ST3GAL4: variants seen among roughly 807,000 people sequenced by gnomAD.
The protein encoded by ST3GAL4 is ST3 beta-galactoside alpha-2,3-sialyltransferase 4.
In ST3GAL4, 24 loss-of-function variants were observed where a neutral mutation model predicts 42.6. The ratio of observed to expected loss-of-function variants is 0.56; its 90% CI spans 0.41 to 0.79. The LOEUF (loss-of-function observed/expected upper bound fraction) is 0.79, where lower values mean the gene tolerates loss of function less well. Among genes scored for constraint, ST3GAL4 ranks in the 30% least tolerant of loss-of-function variants. The pLI is 0.00. For missense variants in ST3GAL4, 311 were observed against 430.8 expected, an observed-to-expected ratio of 0.72 and a Z score of 2.46; for synonymous variants, 135 against 163.2, an observed-to-expected ratio of 0.83 and a Z score of 1.32.
chr11:126,406,396 G>A lies in ST3GAL4; in HGVS notation c.17-77G>A, dbSNP rs553463181. 5.2e-5 allele frequency: 83 copies of A among 1,609,052 alleles called. No individual in the cohort carries two copies. In the South Asian group the frequency reaches 8.7e-4, roughly 17 times the overall value. On this transcript the variant is annotated intron_variant, in intron 2 of 10. Transcript: ENST00000444328. This position sits in a 1 kb window ranked among gnomAD's most constrained non-coding sequence, Gnocchi z 5.4. Reference sequence around the variant, plus strand: ...AGTTAGGGGTCGGAGGGACTCAGAAGGGGGCAGGTGGGAAGGTGGACGGGG... The same window carrying A: ...AGTTAGGGGTCGGAGGGACTCAGAAAGGGGCAGGTGGGAAGGTGGACGGGG...
rs558465724 is a variant in ST3GAL4, at chr11:126,397,752, T to C, written c.-60-8344T>C. On this transcript the variant is annotated intron_variant, in intron 1 of 10. Coordinates refer to ENST00000444328, the MANE Select transcript of ST3GAL4 (RefSeq NM_001254757.2). The surrounding 1 kb of genome is among the most constrained non-coding windows in gnomAD (Gnocchi z 5.0). ...GTGAGGGTCTTCTTGCTGCATTGTC[T>C]CATGGTGGATGGAAGAAGGGCAAGG... 1.1e-3 allele frequency among the ~76,000 whole-genome samples: 171 copies of C among 152,182 alleles called. No homozygotes were observed. Among genetic ancestry groups the C allele is most frequent in the African/African-American group, 4.0e-3 (166 of 41,536 alleles).
intron 1 of ST3GAL4, among the ~76,000 whole-genome samples, chr11:126,375,763 T>TG (rs1246304881): frequency 2.0e-5 from 3 of 152,224 alleles, no homozygotes; most frequent in Admixed American, 2.0e-4. Flanking sequence ...AGGCCAGAGA[T>TG]GCTGCTAAGC....
chr11:126,414,293 G>T lies in ST3GAL4; in HGVS notation c.*246G>T. The T allele has an allele frequency of 1.8e-6, 1 of 559,602 alleles. No individual in the cohort carries two copies. Among genetic ancestry groups the T allele is most frequent in the Admixed American group, 3.1e-5 (1 of 32,642 alleles). 34.7% of individuals were successfully genotyped at this position (559,602 alleles called of 1,614,324 possible). A position where few individuals can be genotyped will look rare whatever the true frequency, so the allele number is the denominator to read the frequency against. The stretch of plus-strand genomic sequence containing the variant: ...CGGCCAGGGCAGGGGGCTCGTTGCT[G>T]TGGCACCCCCTCTCTGCCAGCACCA... On this transcript the variant is annotated 3_prime_UTR_variant, in exon 11 of 11. Transcript: ENST00000444328.
In ST3GAL4 at chr11:126,384,123, T is replaced by C. The variant is rs10893502; in HGVS notation, c.-60-21973T>C. ...CTGGCTCCTAATGGGACTAATGGGA[T>C]TTCAGGTGTGGACCCTTGGACCCTC... is the stretch of plus-strand genomic sequence containing the variant. On this transcript the variant is annotated intron_variant, in intron 1 of 10. Coordinates refer to ENST00000444328, the MANE Select transcript of ST3GAL4 (RefSeq NM_001254757.2). This position sits in a 1 kb window ranked among gnomAD's most constrained non-coding sequence, Gnocchi z 5.5. 0.67 allele frequency among the ~76,000 whole-genome samples: 101,898 copies of C among 152,100 alleles called. 35,042 individuals are homozygous for C. The highest frequency in any genetic ancestry group is 0.95 in the East Asian group (4,898 of 5,166).
At position 126,408,207 on chromosome 11, in the gene ST3GAL4, G is replaced by A. The variant is rs762827204; in HGVS notation, c.437+13G>A. ...ATGTGGTCATCAGGTGTGTGTGACTGTCTCTTCCTACTGTTGTTTGGGAAC... is the reference window on the plus strand; with the variant it reads ...ATGTGGTCATCAGGTGTGTGTGACTATCTCTTCCTACTGTTGTTTGGGAAC... On this transcript the variant is annotated intron_variant, in intron 7 of 10. Transcript: ENST00000444328. The A allele has an allele frequency of 1.9e-6, 3 of 1,614,062 alleles. No homozygotes were observed. Among genetic ancestry groups the A allele is most frequent in the East Asian group, 2.2e-5 (1 of 44,872 alleles).
At chr11:126,413,785 TC>T in intron 10 of ST3GAL4, 137 bp downstream of exon 10, 1 of 1,436,076 alleles carries the variant, frequency 7.0e-7, no homozygotes, top group Non-Finnish European at 9.5e-7. Flanking sequence ...GCACCTGGAC[TC>T]CCTGGCCAGC....
chr11:126,366,705 C>T lies in ST3GAL4; in HGVS notation c.-61+10863C>T, dbSNP rs769305073. 6.6e-6 allele frequency among the ~76,000 whole-genome samples: 1 copy of T among 152,272 alleles called. No individual in the cohort carries two copies. ...TCAGCTGCACAGGTCTGGAAACATC[C>T]TTGTTCATCAAGCACCAGGCTGACC... On this transcript the variant is annotated intron_variant, in intron 1 of 10. Transcript: ENST00000444328. The surrounding 1 kb of genome is among the most constrained non-coding windows in gnomAD (Gnocchi z 4.2).
In ST3GAL4 at chr11:126,379,300, T is replaced by C. The variant is rs1952919190; in HGVS notation, c.-61+23458T>C. On this transcript the variant is annotated intron_variant, in intron 1 of 10. Coordinates refer to ENST00000444328, the MANE Select transcript of ST3GAL4 (RefSeq NM_001254757.2). This position sits in a 1 kb window ranked among gnomAD's most constrained non-coding sequence, Gnocchi z 4.2. ...ATTCAGTGTGGATAATGAAATTCCC[T>C]AACGAAAATAAAAGTGTGAACCTTT... Among the ~76,000 whole-genome samples the C allele has an allele frequency of 6.6e-6, 1 of 152,170 alleles. No individual in the cohort carries two copies. Among genetic ancestry groups the C allele is most frequent in the South Asian group, 2.1e-4 (1 of 4,834 alleles).
At chr11:126,368,897 A>G (rs1952530465) in intron 1 of ST3GAL4, among the ~76,000 whole-genome samples, 1 of 152,130 alleles carries the variant, frequency 6.6e-6, no homozygotes, top group South Asian at 2.1e-4. Context: ...ACTTTCCTGT[A>G]AATTAGGAAC....
chr11:126,379,541 G>A lies in ST3GAL4; in HGVS notation c.-61+23699G>A, dbSNP rs112013079. Among the ~76,000 whole-genome samples the A allele has an allele frequency of 6.6e-6, 1 of 152,056 alleles. No individual in the cohort carries two copies. The highest frequency in any genetic ancestry group is 1.5e-5 in the Non-Finnish European group (1 of 68,002). On this transcript the variant is annotated intron_variant, in intron 1 of 10. Transcript: ENST00000444328. This position sits in a 1 kb window ranked among gnomAD's most constrained non-coding sequence, Gnocchi z 4.2. Reference sequence around the variant, plus strand: ...TGCCCAGGCTGCAGTGCAGTGGCACGATCTTGGCTCACTGCAACCTCCACC... The same window carrying A: ...TGCCCAGGCTGCAGTGCAGTGGCACAATCTTGGCTCACTGCAACCTCCACC...
At position 126,357,073 on chromosome 11, in the gene ST3GAL4, G is replaced by A. The variant is rs144187806; in HGVS notation, c.-61+1231G>A. Among the ~76,000 whole-genome samples the A allele has an allele frequency of 1.0e-3, 159 of 152,338 alleles. 3 individuals are homozygous for A. The highest frequency in any genetic ancestry group is 6.8e-3 in the Middle Eastern group (2 of 294). ...ATGCTGTTACTCTCCAAAGCTGCCC[G>A]ATAATTCTAGAGTGGGTTCCGGGGA... On this transcript the variant is annotated intron_variant, in intron 1 of 10. Coordinates refer to ENST00000444328, the MANE Select transcript of ST3GAL4 (RefSeq NM_001254757.2).
chr11:126,402,091 A>AGGTG (rs146212978), intron 1 of ST3GAL4, among the ~76,000 whole-genome samples: 1 of 131,674 alleles, frequency 7.6e-6, no homozygotes. Context: ...ATTTGGGGGA[A>AGGTG]AGAGGGGAGG....
intron 1 of ST3GAL4, among the ~76,000 whole-genome samples, chr11:126,389,690 T>A (rs1565410490): frequency 6.6e-6 from 1 of 152,142 alleles, no homozygotes; most frequent in East Asian, 1.9e-4. Context: ...TTAGTTAGCC[T>A]CCTGAGGAAC....
Position 126,397,039 on chromosome 11 carries a change from G to A in ST3GAL4, c.-60-9057G>A, listed in dbSNP as rs1467155306. On this transcript the variant is annotated intron_variant, in intron 1 of 10. Transcript: ENST00000444328. The surrounding 1 kb of genome is among the most constrained non-coding windows in gnomAD (Gnocchi z 5.0). Reference sequence around the variant, plus strand: ...CTGCTAAACACCCCATAATACACAAGACAGACCCCGCAACAGTGAACTCTC... The same window carrying A: ...CTGCTAAACACCCCATAATACACAAAACAGACCCCGCAACAGTGAACTCTC... Among the ~76,000 whole-genome samples, 1 of 152,052 alleles carries A rather than the reference G, an allele frequency of 6.6e-6. No individual in the cohort carries two copies. Among genetic ancestry groups the A allele is most frequent in the Non-Finnish European group, 1.5e-5 (1 of 68,026 alleles).
At position 126,391,967 on chromosome 11, in the gene ST3GAL4, G is replaced by GTGTGTGTA. The variant is rs1565412370; in HGVS notation, c.-60-14124_-60-14123insGTATGTGT. On this transcript the variant is annotated intron_variant, in intron 1 of 10. Coordinates refer to ENST00000444328, the MANE Select transcript of ST3GAL4 (RefSeq NM_001254757.2). The surrounding 1 kb of genome is among the most constrained non-coding windows in gnomAD (Gnocchi z 5.5). ...TGTGTGTGTGTGTGTGTGTGTGTGT[G>GTGTGTGTA]TGTGTATGTGTGTGTATGTGTATAT... is the stretch of plus-strand genomic sequence containing the variant. Among the ~76,000 whole-genome samples the GTGTGTGTA allele has an allele frequency of 2.7e-5, 4 of 150,112 alleles. No individual in the cohort carries two copies. Among genetic ancestry groups the GTGTGTGTA allele is most frequent in the African/African-American group, 7.5e-5 (3 of 40,232 alleles).
In ST3GAL4 at chr11:126,388,867, C is replaced by T. The variant is rs937343798; in HGVS notation, c.-60-17229C>T. ...TCTTGGCTCACTGCAGCCTCCACCT[C>T]CTTGGGTTCAGGCAATTCTCCAGCC... On this transcript the variant is annotated intron_variant, in intron 1 of 10. Transcript: ENST00000444328. 3.4e-5 allele frequency among the ~76,000 whole-genome samples: 5 copies of T among 147,906 alleles called. No homozygotes were observed. The East Asian group carries it at 1.0e-3, about 30-fold the overall frequency.
chr11:126,385,059 G>T (rs1953171763), intron 1 of ST3GAL4, among the ~76,000 whole-genome samples: 1 of 152,128 alleles, frequency 6.6e-6, no homozygotes, highest in African/African-American at 2.4e-5. Flanking sequence ...TGAGACTCAG[G>T]ACACCTCTGA....
rs1952916550 is a variant in ST3GAL4, at chr11:126,379,200, G to A, written c.-61+23358G>A. 6.6e-6 allele frequency among the ~76,000 whole-genome samples: 1 copy of A among 152,222 alleles called. No homozygotes were observed. The highest frequency in any genetic ancestry group is 2.4e-5 in the African/African-American group (1 of 41,460). On this transcript the variant is annotated intron_variant, in intron 1 of 10. Coordinates refer to ENST00000444328, the MANE Select transcript of ST3GAL4 (RefSeq NM_001254757.2). The surrounding 1 kb of genome is among the most constrained non-coding windows in gnomAD (Gnocchi z 4.2). ...AGTTGTGATTCTTTCCATTTATCTA[G>A]AGGATTACGTAGCCACCAATTGCTT...
At chr11:126,375,551 G>T (rs1009156885) in intron 1 of ST3GAL4, among the ~76,000 whole-genome samples, 3 of 152,124 alleles carry the variant, frequency 2.0e-5, no homozygotes, top group African/African-American at 7.2e-5. Flanking sequence ...ACCTGGGCCG[G>T]TTACTGACCC....
Sources: allele counts gnomAD v4.1 joint callset (sites outside exome capture counted in the v4.1 genomes callset), GRCh38; gene constraint gnomAD v4.1.1; non-coding constraint Gnocchi (gnomAD v3.1); transcripts MANE v1.5; gene names NCBI Gene and HGNC (gene_info 2026-07-23, HGNC 2026-07-21).